Variants in ADGRG5 observed in about 807,000 individuals in gnomAD.
ADGRG5 encodes the protein adhesion G protein-coupled receptor G5.
Under a neutral mutation model 53.2 loss-of-function variants are expected in ADGRG5, and 37 were observed. That is an observed-to-expected ratio of 0.70 (90% CI 0.53 to 0.91). ADGRG5 has a LOEUF of 0.91. ADGRG5 is among the 40% of genes least tolerant of loss of function. The probability of loss-of-function intolerance (pLI) is 0.00; values close to 1 mark genes in which losing one functional copy is unlikely to be tolerated. For missense variants in ADGRG5, 614 were observed against 675.8 expected, an observed-to-expected ratio of 0.91 and a Z score of 1.01; for synonymous variants, 277 against 290.4, an observed-to-expected ratio of 0.95 and a Z score of 0.47.
chr16:57,565,148 C>T lies in ADGRG5; in HGVS notation c.544C>T (p.Leu182=). 1 of 1,600,072 alleles carries T rather than the reference C, an allele frequency of 6.2e-7. No homozygotes were observed. Among genetic ancestry groups the T allele is most frequent in the Non-Finnish European group, 8.6e-7 (1 of 1,167,330 alleles). ...VNISFWHNQS[L]EGYTLTCVFW... ...CATCAGCTTCTGGCACAACCAAAGC[C>T]TGGTACTGCTGGGGGCGCCCCCGTT... The change falls in exon 6 of 12, where the codon CTG becomes TTG. Residue 182 remains leucine, a splice_region_variant and synonymous_variant. Coordinates refer to ENST00000349457, the MANE Select transcript of ADGRG5 (RefSeq NM_001304376.3).
intron 10 of ADGRG5, among the ~76,000 whole-genome samples, chr16:57,572,000 G>T (rs2033374161): frequency 6.6e-6 from 1 of 151,922 alleles, no homozygotes; most frequent in Non-Finnish European, 1.5e-5. Flanking sequence ...ACGTCCACAG[G>T]ACCCACTAAT....
At chr16:57,538,267 G>A, upstream of ADGRG5, among the ~76,000 whole-genome samples, 1 of 152,186 alleles carries the variant, frequency 6.6e-6, no homozygotes, top group Non-Finnish European at 1.5e-5. Flanking sequence ...TTACCTAGGG[G>A]CTGGGTGTTA....
chr16:57,563,269 G>C, intron 4 of ADGRG5, 22 bp downstream of exon 4: 1 of 1,610,094 alleles, frequency 6.2e-7, no homozygotes, highest in Non-Finnish European at 8.5e-7. Context: ...CGGGTTGGGG[G>C]GTGTGGCCAG....
intron 1 of ADGRG5, among the ~76,000 whole-genome samples, chr16:57,550,761 G>A (rs547676369): frequency 1.3e-5 from 2 of 152,306 alleles, no homozygotes; most frequent in African/African-American, 4.8e-5. Context: ...CAGGCACGGT[G>A]GCTCATGTCT....
chr16:57,567,366 G>A (rs1567622038), intron 7 of ADGRG5, 104 bp from the exon 8 acceptor site: 3 of 1,335,850 alleles, frequency 2.2e-6, no homozygotes, highest in Non-Finnish European at 1.0e-6. Flanking sequence ...TAGGCTTGTG[G>A]GGAAGGGGAC....
chr16:57,536,159 C>T, the ADGRG5 span, among the ~76,000 whole-genome samples: 2 of 152,118 alleles, frequency 1.3e-5, no homozygotes, highest in Non-Finnish European at 2.9e-5. Flanking sequence ...TTCGCCATGG[C>T]GACCACGTTG....
rs1319566474 is a variant in ADGRG5 at position 57,562,114 on chromosome 16, T to C, written c.21T>C (p.Leu7=). 1 of 1,600,062 alleles carries C rather than the reference T, an allele frequency of 6.2e-7. No homozygotes were observed. Among genetic ancestry groups the C allele is most frequent in the Admixed American group, 1.7e-5 (1 of 59,024 alleles). MDHCGA[L]FLCLCLLTLQ... is the part of the protein sequence containing the mutation. ...AGGGCATGGATCACTGTGGTGCCCTTTTCCTGTGCCTGTGCCTTCTGACTT... is the reference window on the plus strand; with the variant it reads ...AGGGCATGGATCACTGTGGTGCCCTCTTCCTGTGCCTGTGCCTTCTGACTT... The change falls in exon 2 of 12, where the codon CTT becomes CTC. Residue 7 remains leucine (L), a synonymous_variant. Coordinates refer to ENST00000349457, the MANE Select transcript of ADGRG5 (RefSeq NM_001304376.3).
At position 57,567,455 on chromosome 16, in the gene ADGRG5, T is replaced by G. The variant is rs202145757; in HGVS notation, c.700-15T>G. On this transcript the variant is annotated splice_polypyrimidine_tract_variant and intron_variant, in intron 7 of 11. Coordinates refer to ENST00000349457, the MANE Select transcript of ADGRG5 (RefSeq NM_001304376.3). ...TACTATGCTTCTGGCCTCCAGCCCC[T>G]CTTCCCTCCTGCAGCAACTCTCCCC... The G allele has an allele frequency of 1.2e-6, 2 of 1,605,244 alleles. No individual in the cohort carries two copies. The highest frequency in any genetic ancestry group is 2.2e-5 in the South Asian group (2 of 91,056).
chr16:57,569,728 TC>T (rs1420142625), intron 9 of ADGRG5, among the ~76,000 whole-genome samples: 1 of 145,762 alleles, frequency 6.9e-6, no homozygotes, highest in African/African-American at 2.6e-5. Flanking sequence ...CGTCATCACA[TC>T]CTCCATCTCC....
chr16:57,564,234 G>C (rs574047936), intron 5 of ADGRG5, among the ~76,000 whole-genome samples: 1 of 152,126 alleles, frequency 6.6e-6, no homozygotes, highest in Non-Finnish European at 1.5e-5. Context: ...CGGTAGGCGG[G>C]AGACAGACAA....
At chr16:57,563,822 A>G (rs760358667) in intron 4 of ADGRG5, 26 bp from the exon 5 acceptor site, 23 of 1,612,430 alleles carry the variant, frequency 1.4e-5, no homozygotes, top group Non-Finnish European at 1.7e-5. Context: ...CTGGTTGCCA[A>G]ACAGCCTGTT....
upstream of ADGRG5, among the ~76,000 whole-genome samples, chr16:57,538,208 A>G (rs1264361380): frequency 6.6e-6 from 1 of 152,162 alleles, no homozygotes. Context: ...CGTAGAACCA[A>G]AGTAGGTGCT....
At chr16:57,564,394 C>G (rs1206811612) in intron 5 of ADGRG5, among the ~76,000 whole-genome samples, 1 of 151,384 alleles carries the variant, frequency 6.6e-6, no homozygotes, top group African/African-American at 2.4e-5. Flanking sequence ...ACTGCAACCT[C>G]TGCCTCCTGG....
intron 1 of ADGRG5, among the ~76,000 whole-genome samples, chr16:57,551,886 G>T (rs993622053): frequency 6.6e-6 from 1 of 152,176 alleles, no homozygotes; most frequent in African/African-American, 2.4e-5. Context: ...CTTGAAGGTC[G>T]AAATGACTCC....
rs2033492804 is a variant in ADGRG5, at chr16:57,575,519, C to T, written c.1568C>T (p.Ser523Phe). 8 of 1,614,110 alleles carry T rather than the reference C, an allele frequency of 5.0e-6. No individual in the cohort carries two copies. Among genetic ancestry groups the T allele is most frequent in the Non-Finnish European group, 6.8e-6 (8 of 1,179,912 alleles). ...AAGGCACAGATAGAGGCCTTCAGCT[C>T]CTCCCAAACAACACAGTAGTCCGGG... ...EAKAQIEAFSSSQTTQ is the reference protein window; with the variant it reads ...EAKAQIEAFSFSQTTQ The change falls in exon 12 of 12, where the codon TCC becomes TTC. Residue 523 changes from serine to phenylalanine, a missense_variant. Physicochemically the swap from Ser to Phe is radical, Grantham distance 155. Coordinates refer to ENST00000349457, the MANE Select transcript of ADGRG5 (RefSeq NM_001304376.3).
At chr16:57,533,592 T>A in the ADGRG5 span, among the ~76,000 whole-genome samples, 1 of 103,214 alleles carries the variant, frequency 9.7e-6, no homozygotes, top group Non-Finnish European at 2.0e-5. Context: ...ACGCGCACAC[T>A]CACACATGGC....
the ADGRG5 span, among the ~76,000 whole-genome samples, chr16:57,536,171 GT>G: frequency 6.6e-6 from 1 of 152,110 alleles, no homozygotes; most frequent in Non-Finnish European, 1.5e-5. Flanking sequence ...ACCACGTTGG[GT>G]CCCCCGGGAG....
intron 2 of ADGRG5, 42 bp from the exon 3 acceptor site, chr16:57,562,342 G>A (rs757077237): frequency 3.8e-5 from 58 of 1,538,924 alleles, no homozygotes; most frequent in Non-Finnish European, 5.0e-5. Context: ...GGGGCCAGAG[G>A]GCAGTTGAGA....
the ADGRG5 span, among the ~76,000 whole-genome samples, chr16:57,535,635 C>G: frequency 1.3e-5 from 2 of 151,682 alleles, no homozygotes; most frequent in Admixed American, 6.6e-5. Context: ...CCACCCCGAC[C>G]CCAGCCCCAC....
Sources: gnomAD v4.1 joint callset for allele counts (sites outside exome capture counted in the v4.1 genomes callset) on GRCh38, gnomAD v4.1.1 for gene constraint, MANE v1.5 for transcripts, NCBI Gene and HGNC (gene_info 2026-07-23, HGNC 2026-07-21) for gene names.